The following SSU72 variants were observed in gnomAD, a reference collection of about 807,000 sequenced individuals.
SSU72 encodes SSU72 homolog, RNA polymerase II CTD phosphatase.
In SSU72, 12 loss-of-function variants were observed where a neutral mutation model predicts 22.7. The ratio of observed to expected loss-of-function variants is 0.53; its 90% CI spans 0.34 to 0.86. The LOEUF (loss-of-function observed/expected upper bound fraction) is 0.86, where lower values mean the gene tolerates loss of function less well. Among genes scored for constraint, SSU72 ranks in the 40% least tolerant of loss-of-function variants. The probability of loss-of-function intolerance (pLI) is 0.02; values close to 1 mark genes in which losing one functional copy is unlikely to be tolerated. For synonymous variants in SSU72, 116 were observed against 98.3 expected (o/e 1.18, Z -1.06); for missense variants, 151 against 249.8 (o/e 0.60, Z 2.67).
At chr1:1,544,123 A>G (rs1642360691) in intron 3 of SSU72, 136 bp from the exon 4 acceptor site, 2 of 649,386 alleles carry the variant, frequency 3.1e-6, no homozygotes, top group South Asian at 3.8e-5. Flanking sequence ...CAGTTTGGGG[A>G]GCACAATGAA....
At chr1:1,565,298 G>A (rs568853868) in intron 1 of SSU72, among the ~76,000 whole-genome samples, 2 of 152,294 alleles carry the variant, frequency 1.3e-5, no homozygotes, top group South Asian at 2.1e-4. Flanking sequence ...GCGTGAACCC[G>A]GGAGGCGGAG....
rs1380102682 is a variant in SSU72 at position 1,543,049 on chromosome 1, CACAGAGGCAGAG to C, written c.483+808_483+819del. Among the ~76,000 whole-genome samples, 483 of 152,314 alleles carry C rather than the reference CACAGAGGCAGAG, an allele frequency of 3.2e-3. 2 individuals are homozygous for C. The highest frequency in any genetic ancestry group is 0.011 in the African/African-American group (462 of 41,558). On this transcript the variant is annotated intron_variant, in intron 4 of 4. Coordinates refer to ENST00000291386, the MANE Select transcript of SSU72 (RefSeq NM_014188.3). ...TGTCTTTCACAGACATTCATCAAAT[CACAGAGGCAGAG>C]GCAGAGGCAGAGGCGGGACGGTGCG...
At chr1:1,553,049 A>G (rs1449714074) in intron 2 of SSU72, among the ~76,000 whole-genome samples, 1 of 152,004 alleles carries the variant, frequency 6.6e-6, no homozygotes, top group South Asian at 2.1e-4. Flanking sequence ...ATTACTTTTT[A>G]AAGTTTTCAA....
At chr1:1,544,574 T>C (rs1190846593) in intron 3 of SSU72, 2 of 450,366 alleles carry the variant, frequency 4.4e-6, no homozygotes, top group Admixed American at 3.4e-5. Flanking sequence ...GCCTAGATTG[T>C]ACCACTGCAC....
At chr1:1,573,762 A>G (rs1043000376) in intron 1 of SSU72, among the ~76,000 whole-genome samples, 3 of 152,236 alleles carry the variant, frequency 2.0e-5, no homozygotes, top group Admixed American at 1.3e-4. Context: ...TAAAAAAGCC[A>G]TTTCAACTTT....
chr1:1,567,618 T>C (rs1204170929), intron 1 of SSU72, among the ~76,000 whole-genome samples: 2 of 152,008 alleles, frequency 1.3e-5, no homozygotes, highest in Non-Finnish European at 2.9e-5. Flanking sequence ...AAGCCTAAAA[T>C]GACTTCCTTA....
intron 1 of SSU72, among the ~76,000 whole-genome samples, chr1:1,569,445 T>G (rs915572693): frequency 1.3e-5 from 2 of 152,180 alleles, no homozygotes; most frequent in Non-Finnish European, 2.9e-5. Context: ...CACTTGGATT[T>G]ATCAGGAAAA....
intron 2 of SSU72, among the ~76,000 whole-genome samples, chr1:1,546,812 C>T (rs1414303974): frequency 2.8e-5 from 4 of 143,940 alleles, no homozygotes; most frequent in East Asian, 2.1e-4. Context: ...CACGGCACTT[C>T]GGCCTGGGCG....
At position 1,542,299 on chromosome 1, in the gene SSU72, C is replaced by T. The variant is rs1002367933; in HGVS notation, c.484-132G>A. On this transcript the variant is annotated intron_variant, in intron 4 of 4. Transcript: ENST00000291386. This position sits in a 1 kb window ranked among gnomAD's most constrained non-coding sequence, Gnocchi z 4.4. Reference sequence around the variant, plus strand: ...CGCAGCAGGCAGGCCCTCACCCCACCGCTGCTGCCTCACAAGGACGGCCGG... The same window carrying T: ...CGCAGCAGGCAGGCCCTCACCCCACTGCTGCTGCCTCACAAGGACGGCCGG... 32 of 814,252 alleles carry T rather than the reference C, an allele frequency of 3.9e-5. No homozygotes were observed. Among genetic ancestry groups the T allele is most frequent in the African/African-American group, 3.6e-4 (21 of 58,298 alleles). The allele number at this position is 814,252 out of a possible 1,614,324, so 50.4% of individuals were successfully genotyped here.
intron 2 of SSU72, among the ~76,000 whole-genome samples, chr1:1,549,397 T>G (rs1570384071): frequency 6.6e-6 from 1 of 151,454 alleles, no homozygotes; most frequent in Non-Finnish European, 1.5e-5. Context: ...GGCAGGCGCC[T>G]GTAGTCCCGG....
rs372571362 is a variant in SSU72, at chr1:1,574,605, A to G, written c.-48T>C. The G allele has an allele frequency of 7.9e-6, 12 of 1,523,536 alleles. No individual in the cohort carries two copies. In the African/African-American group the frequency reaches 1.6e-4, roughly 20 times the overall value. 94.4% of individuals were successfully genotyped at this position (1,523,536 alleles called of 1,614,324 possible). On this transcript the variant is annotated 5_prime_UTR_variant, in exon 1 of 5. Coordinates refer to ENST00000291386, the MANE Select transcript of SSU72 (RefSeq NM_014188.3). ...GCTCTCCCGCTTGGGTTCCCACCCT[A>G]CCGCGGCGCTTCCGCGCGAACAAAA... is the stretch of plus-strand genomic sequence containing the variant.
intron 2 of SSU72, among the ~76,000 whole-genome samples, chr1:1,557,279 A>G (rs1264116718): frequency 6.6e-6 from 1 of 152,066 alleles, no homozygotes; most frequent in Non-Finnish European, 1.5e-5. Context: ...CGGGTGTGGC[A>G]GTGCATGCCT....
Position 1,541,722 on chromosome 1 carries a change from G to A in SSU72, c.*344C>T, listed in dbSNP as rs1642321193. The A allele has an allele frequency of 1.9e-5, 5 of 259,588 alleles. No homozygotes were observed. Among genetic ancestry groups the A allele is most frequent in the East Asian group, 1.2e-4 (1 of 8,636 alleles). The allele number at this position is 259,588 out of a possible 1,614,324, so 16.1% of individuals were successfully genotyped here. ...AATTCCAGGTCATTCCTAACACGCC[G>A]CAGCAGGGCTCTGTACAGTCCGGCC... On this transcript the variant is annotated 3_prime_UTR_variant, in exon 5 of 5. Coordinates refer to ENST00000291386, the MANE Select transcript of SSU72 (RefSeq NM_014188.3).
rs138912153 is a variant in SSU72, at chr1:1,544,945, C to T, written c.282G>A (p.Arg94=). 1.2e-6 allele frequency: 2 copies of T among 1,614,102 alleles called. No homozygotes were observed. Among genetic ancestry groups the T allele is most frequent in the East Asian group, 4.5e-5 (2 of 44,902 alleles). Residue 94 remains arginine, a synonymous_variant, in exon 3 of 5, where the codon CGG becomes CGA. Transcript: ENST00000291386. ...MLDRNKRIKP[R]PERFQNCKDL... ...CTTTGCAGTTCTGGAATCTTTCTGG[C>T]CGGGGCTTGATTCTCTTATTTCTGT... is the stretch of plus-strand genomic sequence containing the variant.
At chr1:1,557,947 C>T (rs1048361401) in intron 2 of SSU72, among the ~76,000 whole-genome samples, 4 of 152,114 alleles carry the variant, frequency 2.6e-5, no homozygotes, top group African/African-American at 9.6e-5. Flanking sequence ...GCAGTGGCAA[C>T]CCCTATAATC....
chr1:1,551,419 C>G (rs1031970910), intron 2 of SSU72, among the ~76,000 whole-genome samples: 1 of 152,236 alleles, frequency 6.6e-6, no homozygotes, highest in Non-Finnish European at 1.5e-5. Context: ...AGCTTCTCCC[C>G]AAATCACAGC....
At chr1:1,565,033 AAT>A (rs1642641066) in intron 1 of SSU72, 117 bp from the exon 2 acceptor site, 2 of 1,365,928 alleles carry the variant, frequency 1.5e-6, no homozygotes, top group South Asian at 1.5e-5. Flanking sequence ...CATAGTAGAG[AAT>A]ATGTCTTCAA....
chr1:1,565,321 A>C (rs933481492), intron 1 of SSU72, among the ~76,000 whole-genome samples: 2 of 152,190 alleles, frequency 1.3e-5, no homozygotes, highest in African/African-American at 2.4e-5. Context: ...TGCAGTGAGC[A>C]GAGATAGCAC....
Position 1,574,575 on chromosome 1 carries a change from C to A in SSU72, c.-18G>T, listed in dbSNP as rs1398435699. 1.3e-5 allele frequency: 20 copies of A among 1,579,722 alleles called. No individual in the cohort carries two copies. The highest frequency in any genetic ancestry group is 1.7e-5 in the Non-Finnish European group (20 of 1,166,282). ...GACGGCATGGCGGCGGCCGCAAATC[C>A]CGCGGCTCTCCCGCTTGGGTTCCCA... On this transcript the variant is annotated 5_prime_UTR_variant, in exon 1 of 5. Coordinates refer to ENST00000291386, the MANE Select transcript of SSU72 (RefSeq NM_014188.3).
Sources: gnomAD v4.1 joint callset for allele counts (sites outside exome capture counted in the v4.1 genomes callset) on GRCh38, gnomAD v4.1.1 for gene constraint, Gnocchi (gnomAD v3.1) non-coding constraint, MANE v1.5 for transcripts, NCBI Gene and HGNC (gene_info 2026-07-23, HGNC 2026-07-21) for gene names.